TMC1: variants seen among roughly 807,000 people sequenced by gnomAD.
The protein encoded by TMC1 is transmembrane channel like 1, also known as transmembrane channel-like protein 1.
A neutral mutation model predicts 105.8 loss-of-function variants in TMC1; 84 were observed. The ratio of observed to expected loss-of-function variants is 0.79; its 90% CI spans 0.67 to 0.95. The LOEUF is 0.95. TMC1 is among the 40% of genes least tolerant of loss of function. The pLI, the probability that TMC1 is intolerant of heterozygous loss-of-function variation, is 0.00. For synonymous variants in TMC1, 315 were observed against 311.5 expected (o/e 1.01, Z -0.12); for missense variants, 817 against 914.1 (o/e 0.89, Z 1.37).
chr9:72,816,399 C>T (rs1828789264), intron 19 of TMC1, among the ~76,000 whole-genome samples, 189 bp downstream of exon 19: 1 of 152,138 alleles, frequency 6.6e-6, no homozygotes, highest in Non-Finnish European at 1.5e-5. Context: ...TCAAAGGTGT[C>T]TCTCTGTTTT....
At chr9:72,794,355 G>A (rs1042594278) in intron 17 of TMC1, among the ~76,000 whole-genome samples, 2 of 150,912 alleles carry the variant, frequency 1.3e-5, no homozygotes, top group Admixed American at 1.3e-4. Context: ...GCTCTCAAGG[G>A]GGAAAGAAAT....
chr9:72,748,301 TAA>T (rs1200202076), intron 10 of TMC1, among the ~76,000 whole-genome samples: 3 of 152,316 alleles, frequency 2.0e-5, no homozygotes, highest in Admixed American at 6.5e-5. Context: ...GATCATTAAA[TAA>T]GTTAATACAT....
rs115349587 is a variant in TMC1 at position 72,626,889 on chromosome 9, A to G, written c.-195-1032A>G. ...GTGTATAATTTTTTTCTACAATTTA[A>G]TAATGCATTAAACCATCACATCACA... On this transcript the variant is annotated intron_variant, in intron 3 of 23. Coordinates refer to ENST00000297784, the MANE Select transcript of TMC1 (RefSeq NM_138691.3). Among the ~76,000 whole-genome samples the G allele has an allele frequency of 4.1e-3, 625 of 152,288 alleles. 3 individuals are homozygous for G. The highest frequency in any genetic ancestry group is 0.014 in the African/African-American group (594 of 41,536).
At chr9:72,650,887 T>G (rs1047858696) in intron 5 of TMC1, among the ~76,000 whole-genome samples, 3 of 140,378 alleles carry the variant, frequency 2.1e-5, no homozygotes, top group South Asian at 2.1e-4. Context: ...TATATAGATA[T>G]ATAGATATAT....
chr9:72,600,436 A>G (rs1397267419), intron 2 of TMC1, among the ~76,000 whole-genome samples: 2 of 152,146 alleles, frequency 1.3e-5, no homozygotes, highest in Non-Finnish European at 2.9e-5. Flanking sequence ...CATGATTATC[A>G]CCAATACTGT....
chr9:72,550,864 A>G (rs1587951872), intron 1 of TMC1, among the ~76,000 whole-genome samples: 2 of 152,152 alleles, frequency 1.3e-5, no homozygotes, highest in African/African-American at 4.8e-5. Context: ...GACTAAATTT[A>G]GAATCATGAG....
At chr9:72,578,616 G>A (rs1824427433) in intron 2 of TMC1, among the ~76,000 whole-genome samples, 1 of 152,174 alleles carries the variant, frequency 6.6e-6, no homozygotes, top group African/African-American at 2.4e-5. Flanking sequence ...TATGGAGTGT[G>A]TGTGCTCTGA....
At chr9:72,524,840 A>G (rs1038254965) in intron 1 of TMC1, among the ~76,000 whole-genome samples, 2 of 152,214 alleles carry the variant, frequency 1.3e-5, no homozygotes, top group Non-Finnish European at 2.9e-5. Context: ...CCACATAGCC[A>G]TTTAGTGCAG....
chr9:72,594,816 A>G (rs990122111), intron 2 of TMC1, among the ~76,000 whole-genome samples: 3 of 151,626 alleles, frequency 2.0e-5, no homozygotes, highest in Admixed American at 6.6e-5. Flanking sequence ...ATACTCTCCA[A>G]TTCTCTCCCT....
chr9:72,791,406 T>A (rs1184900270), intron 15 of TMC1, among the ~76,000 whole-genome samples: 2 of 152,354 alleles, frequency 1.3e-5, no homozygotes, highest in African/African-American at 4.8e-5. Context: ...CAAAATTCAA[T>A]ATTTAGGCCT....
chr9:72,784,727 A>G (rs893129798), intron 13 of TMC1, among the ~76,000 whole-genome samples: 1 of 152,222 alleles, frequency 6.6e-6, no homozygotes, highest in South Asian at 2.1e-4. Flanking sequence ...AAGAAAATGT[A>G]GTATATATAC....
intron 8 of TMC1, among the ~76,000 whole-genome samples, chr9:72,723,517 G>A (rs1219054921): frequency 2.0e-5 from 3 of 152,144 alleles, no homozygotes; most frequent in Non-Finnish European, 4.4e-5. Context: ...CAAGAACAAT[G>A]TCCGTGACAG....
Position 72,789,330 on chromosome 9 carries a change from A to G in TMC1, c.1224+13A>G, listed in dbSNP as rs755939465. Reference sequence around the variant, plus strand: ...GGAAAAAAATGAAGTTCGTCTCTGCATGCTTTTTATGTGCTTAGAACCTGA... The same window carrying G: ...GGAAAAAAATGAAGTTCGTCTCTGCGTGCTTTTTATGTGCTTAGAACCTGA... On this transcript the variant is annotated intron_variant, in intron 15 of 23. Transcript: ENST00000297784. 10 of 1,611,376 alleles carry G rather than the reference A, an allele frequency of 6.2e-6. No individual in the cohort carries two copies. Among genetic ancestry groups the G allele is most frequent in the Admixed American group, 5.0e-5 (3 of 59,994 alleles).
intron 21 of TMC1, among the ~76,000 whole-genome samples, chr9:72,829,801 T>C (rs980363503): frequency 6.6e-6 from 1 of 152,202 alleles, no homozygotes; most frequent in African/African-American, 2.4e-5. Flanking sequence ...TTGCCTTAAG[T>C]GAAGATAAGC....
At chr9:72,752,478 A>G (rs2118058434) in intron 11 of TMC1, among the ~76,000 whole-genome samples, 1 of 152,130 alleles carries the variant, frequency 6.6e-6, no homozygotes, top group East Asian at 1.9e-4. Flanking sequence ...ACACACAAAT[A>G]GTGGGATGGG....
At chr9:72,650,421 C>A (rs1825783187) in intron 5 of TMC1, among the ~76,000 whole-genome samples, 1 of 152,020 alleles carries the variant, frequency 6.6e-6, no homozygotes, top group East Asian at 1.9e-4. Context: ...ACTGTGATGA[C>A]TAGAGGTAAA....
intron 2 of TMC1, among the ~76,000 whole-genome samples, chr9:72,595,350 C>G (rs1824701520): frequency 6.6e-6 from 1 of 152,190 alleles, no homozygotes; most frequent in Non-Finnish European, 1.5e-5. Context: ...CTAGTGCCCT[C>G]TCTTATTTCA....
chr9:72,754,944 T>G, intron 12 of TMC1, 60 bp downstream of exon 12: 1 of 1,374,240 alleles, frequency 7.3e-7, no homozygotes, highest in Non-Finnish European at 1.0e-6. Context: ...GTTTATTTTA[T>G]TCTGAAACCC....
intron 3 of TMC1, among the ~76,000 whole-genome samples, 185 bp downstream of exon 3, chr9:72,616,662 C>T (rs889140939): frequency 1.8e-5 from 2 of 110,504 alleles, no homozygotes; most frequent in Non-Finnish European, 2.1e-5. Context: ...GATGCATTTT[C>T]CTAAACTAAA....
Sources: allele counts gnomAD v4.1 joint callset (sites outside exome capture counted in the v4.1 genomes callset), GRCh38; gene constraint gnomAD v4.1.1; transcripts MANE v1.5; gene names NCBI Gene and HGNC (gene_info 2026-07-23, HGNC 2026-07-21).